The following TBXAS1 variants were observed in gnomAD, a reference collection of about 807,000 sequenced individuals.
TBXAS1 encodes thromboxane A synthase 1.
Under a neutral mutation model 60.7 loss-of-function variants are expected in TBXAS1, and 48 were observed. The ratio of observed to expected loss-of-function variants is 0.79; its 90% CI spans 0.63 to 1.01. The LOEUF (loss-of-function observed/expected upper bound fraction) is 1.01. Among genes scored for constraint, TBXAS1 ranks in the 50% least tolerant of loss-of-function variants. The pLI, the probability that TBXAS1 is intolerant of heterozygous loss-of-function variation, is 0.00. For missense variants in TBXAS1, 685 were observed against 686.3 expected, an observed-to-expected ratio of 1.00 and a Z score of 0.02; for synonymous variants, 287 against 269.7, an observed-to-expected ratio of 1.06 and a Z score of -0.63.
chr7:139,895,788 T>C (rs931384819), intron 3 of TBXAS1, among the ~76,000 whole-genome samples: 10 of 152,190 alleles, frequency 6.6e-5, no homozygotes, highest in Non-Finnish European at 1.3e-4. Flanking sequence ...CACAGAGGAC[T>C]CTTTGCCCCG....
At chr7:139,934,662 G>A (rs529668457) in intron 4 of TBXAS1, among the ~76,000 whole-genome samples, 5 of 152,204 alleles carry the variant, frequency 3.3e-5, no homozygotes, top group South Asian at 4.2e-4. Flanking sequence ...TGGTTTCTCC[G>A]GAAGCCTCTC....
intron 8 of TBXAS1, among the ~76,000 whole-genome samples, chr7:139,957,967 C>T (rs1201315564): frequency 6.6e-6 from 1 of 152,080 alleles, no homozygotes; most frequent in African/African-American, 2.4e-5. Flanking sequence ...GGTGGGACGG[C>T]AGAGAGAAGC....
At chr7:139,886,623 G>C (rs1386591354) in intron 3 of TBXAS1, among the ~76,000 whole-genome samples, 1 of 152,128 alleles carries the variant, frequency 6.6e-6, no homozygotes, top group East Asian at 1.9e-4. Flanking sequence ...ACTGCAGGAA[G>C]GAAATCCAGG....
In TBXAS1 at chr7:139,872,250, A is replaced by G. The variant is rs1399165391; in HGVS notation, c.105A>G (p.Ala35=). The part of the protein sequence containing the change: ...LALLKWYSTS[A]FSRLEKLGLR... Reference sequence around the variant, plus strand: ...TTCCCTCCAGGTACTCCACATCAGCATTCTCAAGACTGGAGAAGTTAGGCC... The same window carrying G: ...TTCCCTCCAGGTACTCCACATCAGCGTTCTCAAGACTGGAGAAGTTAGGCC... Residue 35 remains alanine, a synonymous_variant, in exon 2 of 13, where the codon GCA becomes GCG. Transcript: ENST00000448866. The G allele has an allele frequency of 1.2e-6, 2 of 1,613,922 alleles. No homozygotes were observed. The highest frequency in any genetic ancestry group is 1.7e-6 in the Non-Finnish European group (2 of 1,179,920).
intron 3 of TBXAS1, among the ~76,000 whole-genome samples, chr7:139,877,093 C>A (rs1332680020): frequency 2.0e-5 from 3 of 152,184 alleles, no homozygotes. Context: ...CACGGCTAAA[C>A]CCAAGATGTG....
At chr7:139,948,476 C>G (rs1808927230) in intron 5 of TBXAS1, among the ~76,000 whole-genome samples, 1 of 152,182 alleles carries the variant, frequency 6.6e-6, no homozygotes, top group South Asian at 2.1e-4. Flanking sequence ...AATTTTGAGG[C>G]AACCCAAACA....
intron 5 of TBXAS1, among the ~76,000 whole-genome samples, chr7:139,944,182 A>C (rs779360076): frequency 5.3e-5 from 8 of 152,218 alleles, no homozygotes; most frequent in Non-Finnish European, 7.3e-5. Flanking sequence ...TTTGGCAGGG[A>C]GGAAGCAGTG....
Position 139,891,751 on chromosome 7 carries a change from C to T in TBXAS1, c.236+16114C>T, listed in dbSNP as rs548627109. Among the ~76,000 whole-genome samples the T allele has an allele frequency of 2.7e-4, 41 of 152,276 alleles. No homozygotes were observed. In the South Asian group the frequency reaches 2.9e-3, roughly 11 times the overall value. ...GCTCAGTAAATATCTGTTGCGTGAA[C>T]AGAAGAATCATCTCTAAGTACATGT... is the stretch of plus-strand genomic sequence containing the variant. On this transcript the variant is annotated intron_variant, in intron 3 of 12. Transcript: ENST00000448866.
chr7:139,862,133 C>A (rs183623637), intron 1 of TBXAS1, among the ~76,000 whole-genome samples: 9 of 152,272 alleles, frequency 5.9e-5, no homozygotes, highest in African/African-American at 2.2e-4. Flanking sequence ...AAATGCCTAA[C>A]AGACATTCAA....
rs368486926 is a variant in TBXAS1, at chr7:139,964,664, AG to A, written c.1134+2436del. Among the ~76,000 whole-genome samples, 157 of 152,358 alleles carry A rather than the reference AG, an allele frequency of 1.0e-3. No individual in the cohort carries two copies. The Middle Eastern group carries it at 0.031, about 30-fold the overall frequency. ...TAGTAGACACAGCAGAGGCTAGGAGAGGGGGCAGAAGCTCTAAGAGATAGAA... is the reference window on the plus strand; with the variant it reads ...TAGTAGACACAGCAGAGGCTAGGAGAGGGGCAGAAGCTCTAAGAGATAGAA... On this transcript the variant is annotated intron_variant, in intron 9 of 12. Transcript: ENST00000448866.
intron 5 of TBXAS1, among the ~76,000 whole-genome samples, chr7:139,947,176 A>C (rs1001734523): frequency 6.6e-6 from 1 of 152,158 alleles, no homozygotes. Context: ...GGTGCCCATC[A>C]ATGACAGACT....
chr7:139,938,252 A>T (rs1220016393), intron 5 of TBXAS1, among the ~76,000 whole-genome samples: 2 of 152,122 alleles, frequency 1.3e-5, no homozygotes, highest in South Asian at 4.1e-4. Context: ...GCGGTTGGCC[A>T]GTGGGGCCCA....
chr7:139,907,937 T>C (rs888608475), intron 3 of TBXAS1, among the ~76,000 whole-genome samples: 1 of 152,096 alleles, frequency 6.6e-6, no homozygotes, highest in African/African-American at 2.4e-5. Flanking sequence ...TTTTTAAATA[T>C]ATTAGTCTAA....
At chr7:139,870,905 T>G (rs546500688) in intron 1 of TBXAS1, among the ~76,000 whole-genome samples, 7 of 152,194 alleles carry the variant, frequency 4.6e-5, no homozygotes, top group African/African-American at 1.4e-4. Flanking sequence ...CTGGACAATA[T>G]AGGGAGACCC....
At chr7:139,976,961 A>T (rs1446174568) in intron 9 of TBXAS1, among the ~76,000 whole-genome samples, 1 of 152,208 alleles carries the variant, frequency 6.6e-6, no homozygotes, top group South Asian at 2.1e-4. Flanking sequence ...GGTCAGATCC[A>T]GCCCAACCAG....
intron 9 of TBXAS1, 48 bp downstream of exon 9, chr7:139,962,281 T>C (rs538627763): frequency 9.6e-5 from 155 of 1,607,584 alleles, no homozygotes; most frequent in Non-Finnish European, 1.2e-4. Flanking sequence ...CATAGGACAA[T>C]TGATTTTGTG....
intron 1 of TBXAS1, among the ~76,000 whole-genome samples, chr7:139,838,000 G>A (rs1799179618): frequency 6.6e-6 from 1 of 152,154 alleles, no homozygotes; most frequent in Non-Finnish European, 1.5e-5. Flanking sequence ...GTAAAGTCAA[G>A]AAGTCCACAA....
chr7:139,935,437 A>C (rs1044629433), intron 4 of TBXAS1, among the ~76,000 whole-genome samples: 2 of 152,180 alleles, frequency 1.3e-5, no homozygotes, highest in African/African-American at 4.8e-5. Context: ...TTGATTCAGA[A>C]TTGGTTGAAT....
chr7:139,907,792 T>C (rs1029172018), intron 3 of TBXAS1, among the ~76,000 whole-genome samples: 6 of 152,076 alleles, frequency 3.9e-5, no homozygotes, highest in Non-Finnish European at 7.4e-5. Flanking sequence ...ATAAAAAATA[T>C]GAATAATTAA....
Sources: gnomAD v4.1 joint callset for allele counts (sites outside exome capture counted in the v4.1 genomes callset) on GRCh38, gnomAD v4.1.1 for gene constraint, MANE v1.5 for transcripts, NCBI Gene and HGNC (gene_info 2026-07-23, HGNC 2026-07-21) for gene names.